The following SH3GL2 variants were observed in gnomAD, a reference collection of about 807,000 sequenced individuals.
SH3GL2 encodes SH3 domain containing GRB2 like 2, endophilin A1.
SH3GL2 carries 24 observed loss-of-function variants against 46.0 expected under a neutral mutation model. The ratio of observed to expected loss-of-function variants is 0.52; its 90% CI spans 0.38 to 0.73. The LOEUF is 0.73. Ranked by LOEUF, SH3GL2 falls within the 30% of genes least tolerant of loss-of-function variation. The probability of loss-of-function intolerance (pLI) is 0.00; values close to 1 mark genes in which losing one functional copy is unlikely to be tolerated. For synonymous variants in SH3GL2, 196 were observed against 147.1 expected (o/e 1.33, Z -2.40); for missense variants, 413 against 424.2 (o/e 0.97, Z 0.23).
chr9:17,665,391 C>A (rs7862608), intron 1 of SH3GL2, among the ~76,000 whole-genome samples: 7,047 of 152,184 alleles, frequency 0.046, 545 homozygotes, highest in African/African-American at 0.16. Flanking sequence ...AATCATTCTT[C>A]ATCCTTTTTT....
intron 2 of SH3GL2, among the ~76,000 whole-genome samples, chr9:17,748,171 C>G (rs1342406932): frequency 4.7e-5 from 7 of 149,704 alleles, no homozygotes; most frequent in African/African-American, 1.0e-4. Flanking sequence ...TTTTACTTTT[C>G]TTTTACTTTA....
chr9:17,618,179 T>G (rs913948784), intron 1 of SH3GL2, among the ~76,000 whole-genome samples: 1 of 152,280 alleles, frequency 6.6e-6, no homozygotes, highest in South Asian at 2.1e-4. Flanking sequence ...GGAGACATTT[T>G]TGGTTACCAC....
chr9:17,716,719 GAAAATGCTA>G (rs1229389510), intron 1 of SH3GL2, among the ~76,000 whole-genome samples: 2 of 152,106 alleles, frequency 1.3e-5, no homozygotes, highest in Non-Finnish European at 2.9e-5. Flanking sequence ...ATGCTGTCCT[GAAAATGCTA>G]GTCACCTTGG....
chr9:17,643,607 T>C (rs1021309512), intron 1 of SH3GL2, among the ~76,000 whole-genome samples: 1 of 152,070 alleles, frequency 6.6e-6, no homozygotes, highest in Non-Finnish European at 1.5e-5. Flanking sequence ...TTTTTTGTCA[T>C]TGGTTCTGTT....
intron 1 of SH3GL2, among the ~76,000 whole-genome samples, chr9:17,721,396 G>C (rs1198035672): frequency 1.3e-5 from 2 of 151,998 alleles, no homozygotes; most frequent in African/African-American, 4.8e-5. Context: ...TTAGTTTTCT[G>C]TTAATCTTTT....
chr9:17,663,071 A>G (rs774326381), intron 1 of SH3GL2, among the ~76,000 whole-genome samples: 1 of 152,196 alleles, frequency 6.6e-6, no homozygotes, highest in Non-Finnish European at 1.5e-5. Context: ...GACATTAAGT[A>G]ACAAAAAATA....
At chr9:17,590,709 A>G (rs1818466183) in intron 1 of SH3GL2, 1 of 152,214 alleles carries the variant, frequency 6.6e-6, no homozygotes, top group African/African-American at 2.4e-5. Flanking sequence ...GAAGAATGTC[A>G]TTCTTTACAC....
At chr9:17,786,682 T>G (rs772571522) in intron 4 of SH3GL2, among the ~76,000 whole-genome samples, 158 bp downstream of exon 4, 16 of 152,190 alleles carry the variant, frequency 1.1e-4, no homozygotes, top group Non-Finnish European at 2.1e-4. Flanking sequence ...TCAGAATTAT[T>G]TCATCCGCTC....
rs1028952026 is a variant in SH3GL2 at position 17,644,905 on chromosome 9, C to T, written c.45+65618C>T. Among the ~76,000 whole-genome samples, 4 of 149,298 alleles carry T rather than the reference C, an allele frequency of 2.7e-5. No individual in the cohort carries two copies. The Admixed American group carries it at 2.7e-4, about 10-fold the overall frequency. ...TTAATTTTCTGTCTCGTTGATCTGT[C>T]TAATATTGACAGTGGGGTGTTAAAG... On this transcript the variant is annotated intron_variant, in intron 1 of 8. Coordinates refer to ENST00000380607, the MANE Select transcript of SH3GL2 (RefSeq NM_003026.5).
In SH3GL2 at chr9:17,738,544, A is replaced by ATGTGTGTGTGT. The variant is rs869158464; in HGVS notation, c.46-8522_46-8521insTGTGTGTGTGT. Among the ~76,000 whole-genome samples, 146 of 77,232 alleles carry ATGTGTGTGTGT rather than the reference A, an allele frequency of 1.9e-3. 5 individuals carry two copies. The highest frequency in any genetic ancestry group is 0.016 in the South Asian group (38 of 2,374). The allele number at this position is 77,232 out of a possible 152,430, so 50.7% of individuals were successfully genotyped here. On this transcript the variant is annotated intron_variant, in intron 1 of 8. Coordinates refer to ENST00000380607, the MANE Select transcript of SH3GL2 (RefSeq NM_003026.5). ...TGTGTATATACATACATATATACAT[A>ATGTGTGTGTGT]AGTGTGTGTGTATATACATACATAT...
intron 8 of SH3GL2, 118 bp downstream of exon 8, chr9:17,793,615 C>G: frequency 1.1e-6 from 1 of 921,130 alleles, no homozygotes; most frequent in Non-Finnish European, 1.7e-6. Flanking sequence ...TAATACATTT[C>G]TTATGGAGTC....
chr9:17,628,993 T>G (rs989805856), intron 1 of SH3GL2, among the ~76,000 whole-genome samples: 4 of 149,772 alleles, frequency 2.7e-5, no homozygotes, highest in African/African-American at 9.9e-5. Flanking sequence ...TTTTTTTTTT[T>G]GCTGATGCCT....
At chr9:17,782,989 G>A (rs1019884469) in intron 3 of SH3GL2, among the ~76,000 whole-genome samples, 1 of 152,072 alleles carries the variant, frequency 6.6e-6, no homozygotes, top group Non-Finnish European at 1.5e-5. Context: ...GGGACTCTGG[G>A]CAGTGCAGTT....
Position 17,780,126 on chromosome 9 carries a change from T to C in SH3GL2, c.188-6255T>C, listed in dbSNP as rs577221619. On this transcript the variant is annotated intron_variant, in intron 3 of 8. Transcript: ENST00000380607. The stretch of plus-strand genomic sequence containing the variant: ...TAACATACAAAAAGTACAACACATA[T>C]ATCATAAGTATATTGCTCAATGAAC... Among the ~76,000 whole-genome samples the C allele has an allele frequency of 3.9e-5, 6 of 152,304 alleles. 1 individual carries two copies. The highest frequency in any genetic ancestry group is 1.4e-4 in the African/African-American group (6 of 41,570).
intron 1 of SH3GL2, among the ~76,000 whole-genome samples, chr9:17,691,566 A>G (rs1339897525): frequency 2.0e-5 from 3 of 152,292 alleles, no homozygotes; most frequent in East Asian, 1.9e-4. Flanking sequence ...TGACTCCCAC[A>G]TGTTGAAACC....
chr9:17,614,475 C>G (rs1256617250), intron 1 of SH3GL2, among the ~76,000 whole-genome samples: 1 of 151,978 alleles, frequency 6.6e-6, no homozygotes, highest in Non-Finnish European at 1.5e-5. Context: ...CACTAAAGAT[C>G]TGTGTCAGTA....
chr9:17,648,180 G>A (rs1819872207), intron 1 of SH3GL2, among the ~76,000 whole-genome samples: 1 of 152,132 alleles, frequency 6.6e-6, no homozygotes, highest in Non-Finnish European at 1.5e-5. Context: ...GAGGTCAAAA[G>A]TTATGTGTGG....
chr9:17,600,180 G>A (rs1356761630), intron 1 of SH3GL2, among the ~76,000 whole-genome samples: 2 of 152,110 alleles, frequency 1.3e-5, no homozygotes, highest in East Asian at 3.9e-4. Flanking sequence ...TTACATGAAC[G>A]CTGGAGTTTA....
chr9:17,776,462 CA>C (rs1239339746), intron 3 of SH3GL2, among the ~76,000 whole-genome samples: 3 of 152,056 alleles, frequency 2.0e-5, no homozygotes, highest in Non-Finnish European at 4.4e-5. Flanking sequence ...GGCTTTCCTA[CA>C]AATGTCTGTC....
Sources: gnomAD v4.1 joint callset for allele counts (sites outside exome capture counted in the v4.1 genomes callset) on GRCh38, gnomAD v4.1.1 for gene constraint, MANE v1.5 for transcripts, NCBI Gene and HGNC (gene_info 2026-07-23, HGNC 2026-07-21) for gene names.